Variants in PILRA observed in about 807,000 individuals in gnomAD.
The protein encoded by PILRA is paired immunoglobin like type 2 receptor alpha.
PILRA carries 37 observed loss-of-function variants against 33.1 expected under a neutral mutation model. That is an observed-to-expected ratio of 1.12 (90% CI 0.86 to 1.47). The LOEUF is 1.47. Ranked by LOEUF, PILRA falls within the 40% of genes most tolerant of loss-of-function variation. The pLI is 0.00. For missense variants in PILRA, 312 were observed against 376.2 expected, an observed-to-expected ratio of 0.83 and a Z score of 1.41; for synonymous variants, 146 against 149.9, an observed-to-expected ratio of 0.97 and a Z score of 0.19.
chr7:100,387,659 T>C (rs1269276788), intron 2 of PILRA, among the ~76,000 whole-genome samples: 1 of 152,082 alleles, frequency 6.6e-6, no homozygotes, highest in East Asian at 1.9e-4. Context: ...TGAGGTACGA[T>C]TGCGCACCCC....
At chr7:100,371,363 A>C (rs1782019779), upstream of PILRA, among the ~76,000 whole-genome samples, 2 of 152,168 alleles carry the variant, frequency 1.3e-5, no homozygotes, top group Non-Finnish European at 2.9e-5. Context: ...CCTTTTGGCT[A>C]TTCTAGGTCC....
At chr7:100,373,392 G>C (rs948831608), upstream of PILRA, 1 of 572,376 alleles carries the variant, frequency 1.7e-6, no homozygotes, top group African/African-American at 1.9e-5. Flanking sequence ...GACGGGGACC[G>C]CGGCCTTTGG....
chr7:100,386,787 C>G (rs1343172080), intron 2 of PILRA, among the ~76,000 whole-genome samples: 4 of 149,290 alleles, frequency 2.7e-5, no homozygotes. Flanking sequence ...CCTCGGCCTC[C>G]AAAAGTGCTG....
chr7:100,396,909 C>G (rs1292346799), intron 3 of PILRA, among the ~76,000 whole-genome samples: 2 of 151,168 alleles, frequency 1.3e-5, no homozygotes. Flanking sequence ...AGATGTTTCA[C>G]AACAGTGTGA....
At chr7:100,380,971 CA>C (rs1262373538) in intron 2 of PILRA, among the ~76,000 whole-genome samples, 1 of 146,494 alleles carries the variant, frequency 6.8e-6, no homozygotes, top group Non-Finnish European at 1.5e-5. Flanking sequence ...ACTCCATCTC[CA>C]AAAAAAACAA....
chr7:100,371,575 C>T (rs186941784), upstream of PILRA, among the ~76,000 whole-genome samples: 136 of 152,206 alleles, frequency 8.9e-4, no homozygotes, highest in African/African-American at 3.1e-3. Flanking sequence ...TCTCATAATG[C>T]GGTGCAGGGT....
At position 100,399,563 on chromosome 7, in the gene PILRA, C is replaced by T. The variant is rs2130254158; in HGVS notation, c.758-18C>T. ...GTCACGCCACCTGACCTTGGCACACCTTGCTTTTTATTCTTAGGACAAAAT... is the reference window on the plus strand; with the variant it reads ...GTCACGCCACCTGACCTTGGCACACTTTGCTTTTTATTCTTAGGACAAAAT... On this transcript the variant is annotated intron_variant, in intron 5 of 6. Coordinates refer to ENST00000198536, the MANE Select transcript of PILRA (RefSeq NM_013439.3). 1 of 1,614,142 alleles carries T rather than the reference C, an allele frequency of 6.2e-7. No homozygotes were observed. Among genetic ancestry groups the T allele is most frequent in the Middle Eastern group, 1.6e-4 (1 of 6,062 alleles).
chr7:100,393,176 G>C (rs1013672545), intron 3 of PILRA, among the ~76,000 whole-genome samples: 1 of 152,086 alleles, frequency 6.6e-6, no homozygotes, highest in Middle Eastern at 3.4e-3. Context: ...GCTACTTGGG[G>C]GGCTGAGGCA....
Position 100,377,231 on chromosome 7 carries a change from C to CTTTTTTTTTTT in PILRA, c.454+2815_454+2825dup, listed in dbSNP as rs761225046. On this transcript the variant is annotated intron_variant, in intron 2 of 6. Coordinates refer to ENST00000198536, the MANE Select transcript of PILRA (RefSeq NM_013439.3). ...GTTCTTCTTTGTCACTTTTCTATTT[C>CTTTTTTTTTTT]TTTTTTTTTTTTTTTTTTTTTTTTT... 1.3e-3 allele frequency among the ~76,000 whole-genome samples: 128 copies of CTTTTTTTTTTT among 100,930 alleles called. 3 individuals carry two copies. Among genetic ancestry groups the CTTTTTTTTTTT allele is most frequent in the East Asian group, 2.2e-3 (8 of 3,574 alleles). 66.2% of individuals were successfully genotyped at this position (100,930 alleles called of 152,430 possible).
At chr7:100,374,980 C>T (rs148078328) in intron 2 of PILRA, among the ~76,000 whole-genome samples, 4 of 152,260 alleles carry the variant, frequency 2.6e-5, no homozygotes, top group African/African-American at 9.6e-5. Context: ...TTCCCATCTG[C>T]CCACTTCCTT....
At chr7:100,392,904 C>T (rs1424966682) in intron 3 of PILRA, among the ~76,000 whole-genome samples, 1 of 152,070 alleles carries the variant, frequency 6.6e-6, no homozygotes, top group African/African-American at 2.4e-5. Flanking sequence ...AACCCTAGTA[C>T]CAGAAGAAAA....
At chr7:100,398,015 C>A (rs1319943093) in intron 4 of PILRA, 103 bp downstream of exon 4, 4 of 1,131,574 alleles carry the variant, frequency 3.5e-6, no homozygotes, top group Non-Finnish European at 5.3e-6. Flanking sequence ...ACAAACCCAG[C>A]CTGCCACGGC....
At chr7:100,389,755 T>C in intron 2 of PILRA, 133 bp from the exon 3 acceptor site, 1 of 707,598 alleles carries the variant, frequency 1.4e-6, no homozygotes, top group Non-Finnish European at 2.5e-6. Context: ...TGTTCCCCGC[T>C]CCCTGTGTGG....
At chr7:100,397,311 G>A (rs1372316166) in intron 3 of PILRA, among the ~76,000 whole-genome samples, 1 of 151,954 alleles carries the variant, frequency 6.6e-6, no homozygotes, top group Non-Finnish European at 1.5e-5. Flanking sequence ...AGGATGCCAC[G>A]GGGATGGGAG....
At chr7:100,373,868 T>A (rs377580429) in intron 1 of PILRA, 148 bp downstream of exon 1, 38 of 1,251,570 alleles carry the variant, frequency 3.0e-5, no homozygotes, top group Non-Finnish European at 4.2e-5. Context: ...GACCCCATCC[T>A]CTCCCCCTCC....
chr7:100,399,982 G>C lies in PILRA; in HGVS notation c.*75G>C, dbSNP rs1791628507. The C allele has an allele frequency of 7.0e-7, 1 of 1,420,626 alleles. No individual in the cohort carries two copies. Among genetic ancestry groups the C allele is most frequent in the African/African-American group, 1.4e-5 (1 of 70,022 alleles). The allele number at this position is 1,420,626 out of a possible 1,614,324, so 88.0% of individuals were successfully genotyped here. ...GCACACCTGTAATCCCAGCTACTCT[G>C]AAGCCTGAGGCAGAATCAAGTGAGC... On this transcript the variant is annotated 3_prime_UTR_variant, in exon 7 of 7. Coordinates refer to ENST00000198536, the MANE Select transcript of PILRA (RefSeq NM_013439.3).
chr7:100,398,172 GC>G (rs1339595665), intron 4 of PILRA, among the ~76,000 whole-genome samples: 1 of 152,174 alleles, frequency 6.6e-6, no homozygotes, highest in East Asian at 1.9e-4. Flanking sequence ...TTTCTGGAGT[GC>G]CCATCTGTGC....
chr7:100,390,140 T>C (rs1453193969), intron 3 of PILRA, 34 bp downstream of exon 3: 1 of 1,570,796 alleles, frequency 6.4e-7, no homozygotes, highest in African/African-American at 1.3e-5. Flanking sequence ...TCCCCAAGCC[T>C]CCCATCTGGG....
At position 100,382,915 on chromosome 7, in the gene PILRA, ATTG is replaced by A. The variant is rs576791024; in HGVS notation, c.455-6970_455-6968del. Among the ~76,000 whole-genome samples, 155 of 152,330 alleles carry A rather than the reference ATTG, an allele frequency of 1.0e-3. 1 individual carries two copies. The highest frequency in any genetic ancestry group is 1.8e-3 in the Non-Finnish European group (120 of 68,030). On this transcript the variant is annotated intron_variant, in intron 2 of 6. Coordinates refer to ENST00000198536, the MANE Select transcript of PILRA (RefSeq NM_013439.3). ...AACTCCGGACACGCCGCCTTTAAGA[ATTG>A]TTAACACTCAAACTGCAAGCGTCCG...
Sources: gnomAD v4.1 joint callset for allele counts (sites outside exome capture counted in the v4.1 genomes callset) on GRCh38, gnomAD v4.1.1 for gene constraint, MANE v1.5 for transcripts, NCBI Gene and HGNC (gene_info 2026-07-23, HGNC 2026-07-21) for gene names.